Variants in BRI3 observed in about 807,000 individuals in gnomAD.
BRI3 encodes membrane protein BRI3.
A neutral mutation model predicts 12.8 loss-of-function variants in BRI3; 6 were observed. That is an observed-to-expected ratio of 0.47 (90% CI 0.26 to 0.93). BRI3 has a LOEUF of 0.93. BRI3 is among the 40% of genes least tolerant of loss of function. The probability of loss-of-function intolerance (pLI) is 0.15; values close to 1 mark genes in which losing one functional copy is unlikely to be tolerated. For missense variants in BRI3, 134 were observed against 171.1 expected (o/e 0.78, Z 1.21); for synonymous variants, 91 against 76.1 (o/e 1.20, Z -1.02).
Position 98,290,959 on chromosome 7 carries a change from G to A in BRI3, c.246-152G>A, listed in dbSNP as rs1179708300. Reference sequence around the variant, plus strand: ...CCAGGCCAGTGGGCTGTAGCTGGGTGGTGGGGTGGGGGGCTGTTTTCTGTC... The same window carrying A: ...CCAGGCCAGTGGGCTGTAGCTGGGTAGTGGGGTGGGGGGCTGTTTTCTGTC... On this transcript the variant is annotated intron_variant, in intron 2 of 2. Coordinates refer to ENST00000297290, the MANE Select transcript of BRI3 (RefSeq NM_015379.5). 4 of 801,470 alleles carry A rather than the reference G, an allele frequency of 5.0e-6. No homozygotes were observed. The African/African-American group carries it at 5.4e-5, about 11-fold the overall frequency. The allele number at this position is 801,470 out of a possible 1,614,324, so 49.6% of individuals were successfully genotyped here.
At chr7:98,292,996 CT>C (rs1388318776), downstream of BRI3, 1 of 1,149,432 alleles carries the variant, frequency 8.7e-7, no homozygotes, top group Non-Finnish European at 1.1e-6. Flanking sequence ...AAGCTCTACA[CT>C]TAAACATTTT....
At chr7:98,297,846 G>C (rs1263806257), downstream of BRI3, among the ~76,000 whole-genome samples, 1 of 152,236 alleles carries the variant, frequency 6.6e-6, no homozygotes, top group Non-Finnish European at 1.5e-5. Flanking sequence ...ATGCAGGCTT[G>C]CTTTTACAAA....
the BRI3 span, among the ~76,000 whole-genome samples, chr7:98,318,070 C>G: frequency 6.6e-6 from 1 of 152,026 alleles, no homozygotes; most frequent in African/African-American, 2.4e-5. Context: ...GGCTGGGACC[C>G]TCAACCCGCA....
chr7:98,284,001 A>G (rs1799624531), intron 2 of BRI3, among the ~76,000 whole-genome samples: 1 of 152,198 alleles, frequency 6.6e-6, no homozygotes, highest in Non-Finnish European at 1.5e-5. Context: ...GCGGAGGCCC[A>G]TGGCTTCCGC....
rs1185208111 is a variant in BRI3, at chr7:98,281,872, G to T, written c.77G>T (p.Gly26Val). ...GCCGGCCAGGGCGACTACGCGTGCG[G>T]CCCGCACGGCTACGGCGCCATCCCC... ...LEAGQGDYACGPHGYGAIPAA... is the reference protein window; with the variant it reads ...LEAGQGDYACVPHGYGAIPAA... Residue 26 changes from glycine (G) to valine (V), a missense_variant, in exon 1 of 3, where the codon GGC becomes GTC. Coordinates refer to ENST00000297290, the MANE Select transcript of BRI3 (RefSeq NM_015379.5). 2.3e-6 allele frequency: 3 copies of T among 1,308,540 alleles called. No homozygotes were observed. Among genetic ancestry groups the T allele is most frequent in the East Asian group, 6.3e-5 (2 of 31,804 alleles). 81.1% of individuals were successfully genotyped at this position (1,308,540 alleles called of 1,614,324 possible).
Position 98,281,751 on chromosome 7 carries a change from G to T in BRI3, c.-45G>T. 4 of 982,678 alleles carry T rather than the reference G, an allele frequency of 4.1e-6. No individual in the cohort carries two copies. The highest frequency in any genetic ancestry group is 4.6e-5 in the South Asian group (1 of 21,670). The allele number at this position is 982,678 out of a possible 1,614,324, so 60.9% of individuals were successfully genotyped here. A position where few individuals can be genotyped will look rare whatever the true frequency, so the allele number is the denominator to read the frequency against. On this transcript the variant is annotated 5_prime_UTR_variant, in exon 1 of 3. Transcript: ENST00000297290. ...CGCCGCCGCGTCCCCCGCCGGGGCC[G>T]ACCGAGCCGAGCCGGGCCGGAGCGG...
chr7:98,317,410 A>G, the BRI3 span: 2 of 1,601,658 alleles, frequency 1.2e-6, no homozygotes, highest in Non-Finnish European at 1.7e-6. Flanking sequence ...GAATTGTCAC[A>G]CAGTTTGCCT....
the BRI3 span, among the ~76,000 whole-genome samples, chr7:98,318,275 G>A: frequency 6.6e-6 from 1 of 152,160 alleles, no homozygotes; most frequent in Non-Finnish European, 1.5e-5. Context: ...GATGCTGGGT[G>A]GTTAACTTTC....
At chr7:98,304,127 A>G (rs1022241138), upstream of BRI3, 1 of 1,457,054 alleles carries the variant, frequency 6.9e-7, no homozygotes, top group East Asian at 2.5e-5. Flanking sequence ...CGGTCACCAC[A>G]GGACCTGCGC....
chr7:98,315,783 G>T, the BRI3 span, among the ~76,000 whole-genome samples: 1 of 152,136 alleles, frequency 6.6e-6, no homozygotes, highest in African/African-American at 2.4e-5. Context: ...AGATACCATC[G>T]TTCTCCTTGA....
upstream of BRI3, among the ~76,000 whole-genome samples, chr7:98,302,711 A>G (rs1475218360): frequency 6.6e-6 from 1 of 152,222 alleles, no homozygotes; most frequent in East Asian, 1.9e-4. Flanking sequence ...GTAGCTAGAA[A>G]AGGCCTCACG....
chr7:98,294,640 TC>T (rs1364690360), downstream of BRI3, among the ~76,000 whole-genome samples: 1 of 152,154 alleles, frequency 6.6e-6, no homozygotes, highest in Non-Finnish European at 1.5e-5. Context: ...CAAACAGAGA[TC>T]CCACAGGTCC....
At chr7:98,320,150 A>G in the BRI3 span, 1 of 1,602,782 alleles carries the variant, frequency 6.2e-7, no homozygotes, top group Non-Finnish European at 8.5e-7. Context: ...AAGGAAATAA[A>G]TTCATACCAG....
At chr7:98,291,590 C>T (rs186701941), downstream of BRI3, 25 of 1,037,734 alleles carry the variant, frequency 2.4e-5, no homozygotes, top group South Asian at 5.3e-5. Context: ...ACACCCCCAT[C>T]GCTCCCCCGG....
Position 98,291,129 on chromosome 7 carries a change from C to G in BRI3, c.264C>G (p.Asp88Glu), listed in dbSNP as rs1343535434. The change falls in exon 3 of 3, where the codon GAC becomes GAG. Residue 88 changes from aspartate (D) to glutamate (E), a missense_variant. Asp to Glu is a conservative substitution (Grantham distance 45, BLOSUM62 2). Coordinates refer to ENST00000297290, the MANE Select transcript of BRI3 (RefSeq NM_015379.5). Reference protein sequence around the residue: ...CPVCRVGVLEDCFTFLGIFLA... With the variant: ...CPVCRVGVLEECFTFLGIFLA... ...GCTGCAGGGTTGGGGTGCTGGAGGACTGCTTCACCTTCCTGGGCATCTTCC... is the reference window on the plus strand; with the variant it reads ...GCTGCAGGGTTGGGGTGCTGGAGGAGTGCTTCACCTTCCTGGGCATCTTCC... 4 of 1,614,218 alleles carry G rather than the reference C, an allele frequency of 2.5e-6. No homozygotes were observed. The highest frequency in any genetic ancestry group is 2.2e-5 in the East Asian group (1 of 44,882).
downstream of BRI3, chr7:98,310,467 T>A: frequency 6.2e-7 from 1 of 1,600,430 alleles, no homozygotes; most frequent in Non-Finnish European, 8.5e-7. Context: ...TTACCCTTTG[T>A]GAATTCGGGG....
At chr7:98,290,982 G>A (rs1442323205) in intron 2 of BRI3, 129 bp from the exon 3 acceptor site, 6 of 1,094,926 alleles carry the variant, frequency 5.5e-6, no homozygotes, top group African/African-American at 1.6e-5. Context: ...GCTGTTTTCT[G>A]TCACTCGCCA....
At chr7:98,310,277 G>T in exon 2 of BRI3, 1 of 637,954 alleles carries the variant, frequency 1.6e-6, no homozygotes, top group Non-Finnish European at 2.6e-6. Flanking sequence ...GTCTAGTCCT[G>T]TATTTCTTCT....
intron 2 of BRI3, among the ~76,000 whole-genome samples, chr7:98,286,136 G>A (rs1284024901): frequency 6.6e-6 from 1 of 152,176 alleles, no homozygotes; most frequent in Admixed American, 6.5e-5. Flanking sequence ...TCAGATCCCA[G>A]CCACGCCTTT....
Sources: gnomAD v4.1 joint callset for allele counts (sites outside exome capture counted in the v4.1 genomes callset) on GRCh38, gnomAD v4.1.1 for gene constraint, MANE v1.5 for transcripts, NCBI Gene and HGNC (gene_info 2026-07-23, HGNC 2026-07-21) for gene names.